Variants in GNG7 observed in about 807,000 individuals in gnomAD.
The protein encoded by GNG7 is guanine nucleotide-binding protein G(I)/G(S)/G(O) subunit gamma-7.
A neutral mutation model predicts 4.0 loss-of-function variants in GNG7; 1 was observed. The ratio of observed to expected loss-of-function variants is 0.25; its 90% CI spans 0.09 to 1.18. GNG7 has a LOEUF of 1.18. GNG7 is among the 50% of genes most tolerant of loss of function. The pLI is 0.50. For missense variants in GNG7, 86 were observed against 91.9 expected (o/e 0.94, Z 0.26); for synonymous variants, 34 against 36.9 (o/e 0.92, Z 0.29).
chr19:2,536,649 A>G (rs1978745882), intron 3 of GNG7, among the ~76,000 whole-genome samples: 1 of 152,230 alleles, frequency 6.6e-6, no homozygotes, highest in South Asian at 2.1e-4. Flanking sequence ...GGAGGCCTGC[A>G]GCGAGGTCCC....
Position 2,536,834 on chromosome 19 carries a change from G to C in GNG7, c.-37-16109C>G, listed in dbSNP as rs553903692. Among the ~76,000 whole-genome samples the C allele has an allele frequency of 9.9e-5, 15 of 152,250 alleles. No individual in the cohort carries two copies. The South Asian group carries it at 2.9e-3, about 29-fold the overall frequency. Reference sequence around the variant, plus strand: ...GGGCCACCCTGGGTTCTCGGGAGGGGCTCTCTTGGCCTTGGGGTACAGTCT... The same window carrying C: ...GGGCCACCCTGGGTTCTCGGGAGGGCCTCTCTTGGCCTTGGGGTACAGTCT... On this transcript the variant is annotated intron_variant, in intron 3 of 4. Coordinates refer to ENST00000382159, the MANE Select transcript of GNG7 (RefSeq NM_052847.3).
Position 2,541,119 on chromosome 19 carries a change from G to A in GNG7, c.-38+14030C>T, listed in dbSNP as rs533763906. The stretch of plus-strand genomic sequence containing the variant: ...CGGCCAGAGAGGCGAGGGAGCGGGA[G>A]CTACCGAGGGTTCCTCCATCGGCAG... On this transcript the variant is annotated intron_variant, in intron 3 of 4. Coordinates refer to ENST00000382159, the MANE Select transcript of GNG7 (RefSeq NM_052847.3). Among the ~76,000 whole-genome samples the A allele has an allele frequency of 2.0e-5, 3 of 152,374 alleles. No individual in the cohort carries two copies. In the East Asian group the frequency reaches 5.8e-4, roughly 29 times the overall value.
chr19:2,601,399 C>A (rs945741616), intron 2 of GNG7, among the ~76,000 whole-genome samples: 5 of 152,136 alleles, frequency 3.3e-5, no homozygotes, highest in African/African-American at 1.2e-4. Context: ...TGGACTCAGT[C>A]CTGCCACGGC....
intron 1 of GNG7, among the ~76,000 whole-genome samples, chr19:2,692,114 C>G (rs1827333598): frequency 6.6e-6 from 1 of 152,164 alleles, no homozygotes; most frequent in Admixed American, 6.6e-5. Context: ...TATTTTACCA[C>G]CCGGTCTGTG....
chr19:2,610,154 TA>T (rs1276675023), intron 2 of GNG7: 1 of 151,494 alleles, frequency 6.6e-6, no homozygotes, highest in African/African-American at 2.4e-5. Flanking sequence ...TATTTATTAT[TA>T]TTATTAATTT....
chr19:2,551,715 G>C (rs906728122), intron 3 of GNG7, among the ~76,000 whole-genome samples: 1 of 88,978 alleles, frequency 1.1e-5, no homozygotes, highest in Non-Finnish European at 2.1e-5. Context: ...ACAGAGTCTC[G>C]CTCTGGCCCC....
Position 2,520,690 on chromosome 19 carries a change from G to A in GNG7, c.-2C>T. 6.5e-7 allele frequency: 1 copy of A among 1,528,872 alleles called. No individual in the cohort carries two copies. Among genetic ancestry groups the A allele is most frequent in the Non-Finnish European group, 8.9e-7 (1 of 1,125,756 alleles). 94.7% of individuals were successfully genotyped at this position (1,528,872 alleles called of 1,614,324 possible). On this transcript the variant is annotated 5_prime_UTR_variant, in exon 4 of 5. Coordinates refer to ENST00000382159, the MANE Select transcript of GNG7 (RefSeq NM_052847.3). ...GGCTATGTTGTTAGTGGCTGACATT[G>A]TCTGCCATCAGCTCTGGGCCCCGTT...
At chr19:2,595,526 G>A (rs62123684) in intron 2 of GNG7, among the ~76,000 whole-genome samples, 116,669 of 151,444 alleles carry the variant, frequency 0.77, 44,883 homozygotes, top group Admixed American at 0.8. Context: ...CTGAGCTCAG[G>A]AGTTTGAGAC....
chr19:2,637,286 G>T (rs560705399), intron 2 of GNG7, among the ~76,000 whole-genome samples: 8 of 152,050 alleles, frequency 5.3e-5, no homozygotes, highest in Non-Finnish European at 1.2e-4. Context: ...AGAAGGATAG[G>T]AGCAGGGGAT....
chr19:2,693,564 CA>C (rs1361122849), intron 1 of GNG7, among the ~76,000 whole-genome samples: 1 of 152,120 alleles, frequency 6.6e-6, no homozygotes, highest in Non-Finnish European at 1.5e-5. Flanking sequence ...GCCATTTCTG[CA>C]AACCAGGGTC....
intron 3 of GNG7, among the ~76,000 whole-genome samples, chr19:2,523,809 G>A (rs774373629): frequency 6.6e-6 from 1 of 152,096 alleles, no homozygotes; most frequent in Non-Finnish European, 1.5e-5. Context: ...ACTCCACGGC[G>A]ATCTCAATAA....
rs1445344343 is a variant in GNG7 at position 2,634,662 on chromosome 19, G to C, written c.-78+11562C>G. 6.6e-6 allele frequency among the ~76,000 whole-genome samples: 1 copy of C among 152,162 alleles called. No homozygotes were observed. Among genetic ancestry groups the C allele is most frequent in the Non-Finnish European group, 1.5e-5 (1 of 68,032 alleles). On this transcript the variant is annotated intron_variant, in intron 2 of 4. Coordinates refer to ENST00000382159, the MANE Select transcript of GNG7 (RefSeq NM_052847.3). This position sits in a 1 kb window ranked among gnomAD's most constrained non-coding sequence, Gnocchi z 5.3. ...ACCTTCCGGGAGCAGAGCGTTTTCAGGCTCTGGCTGTATATCTTGGCAATT... is the reference window on the plus strand; with the variant it reads ...ACCTTCCGGGAGCAGAGCGTTTTCACGCTCTGGCTGTATATCTTGGCAATT...
chr19:2,539,430 G>A (rs756977010), intron 3 of GNG7, among the ~76,000 whole-genome samples: 2 of 150,806 alleles, frequency 1.3e-5, no homozygotes, highest in African/African-American at 2.4e-5. Flanking sequence ...TCAGCCTCCC[G>A]AGCAGCTGGG....
At chr19:2,665,075 G>A (rs988515434) in intron 1 of GNG7, among the ~76,000 whole-genome samples, 1 of 151,698 alleles carries the variant, frequency 6.6e-6, no homozygotes, top group African/African-American at 2.4e-5. Flanking sequence ...GGGAGGGAGA[G>A]AGGAGGTGAA....
intron 2 of GNG7, among the ~76,000 whole-genome samples, chr19:2,629,940 G>A (rs1162635411): frequency 6.6e-6 from 1 of 152,062 alleles, no homozygotes; most frequent in African/African-American, 2.4e-5. Flanking sequence ...GGGGGAAACT[G>A]TGAAGATACA....
At chr19:2,636,570 C>T (rs1177985867) in intron 2 of GNG7, among the ~76,000 whole-genome samples, 1 of 152,162 alleles carries the variant, frequency 6.6e-6, no homozygotes, top group East Asian at 1.9e-4. Flanking sequence ...CACCTCTGTG[C>T]CCGAGTGTGA....
chr19:2,640,085 G>T lies in GNG7; in HGVS notation c.-78+6139C>A, dbSNP rs1323991175. ...GGGAGGGAGAGAGGGAAGGAGGGAGGGAGGAAGGAAGGAGGGAGGGAAGGA... is the reference window on the plus strand; with the variant it reads ...GGGAGGGAGAGAGGGAAGGAGGGAGTGAGGAAGGAAGGAGGGAGGGAAGGA... On this transcript the variant is annotated intron_variant, in intron 2 of 4. Coordinates refer to ENST00000382159, the MANE Select transcript of GNG7 (RefSeq NM_052847.3). Among the ~76,000 whole-genome samples, 400 of 100,890 alleles carry T rather than the reference G, an allele frequency of 4.0e-3. 2 individuals carry two copies. Among genetic ancestry groups the T allele is most frequent in the African/African-American group, 0.014 (374 of 26,272 alleles). 66.2% of individuals were successfully genotyped at this position (100,890 alleles called of 152,430 possible).
chr19:2,522,398 C>T (rs1276875214), intron 3 of GNG7, among the ~76,000 whole-genome samples: 3 of 152,084 alleles, frequency 2.0e-5, no homozygotes, highest in Non-Finnish European at 4.4e-5. Flanking sequence ...CATGGCATCG[C>T]TGTCTGTTTT....
chr19:2,585,430 A>G (rs1362615451), intron 2 of GNG7, among the ~76,000 whole-genome samples: 2 of 152,160 alleles, frequency 1.3e-5, no homozygotes, highest in Non-Finnish European at 1.5e-5. Context: ...CGATGGAGTG[A>G]GAGAATAATA....
Sources: allele counts gnomAD v4.1 joint callset (sites outside exome capture counted in the v4.1 genomes callset), GRCh38; gene constraint gnomAD v4.1.1; non-coding constraint Gnocchi (gnomAD v3.1); transcripts MANE v1.5; gene names NCBI Gene and HGNC (gene_info 2026-07-23, HGNC 2026-07-21).